Variants in GRIN2C observed in about 807,000 individuals in gnomAD.
GRIN2C encodes the protein glutamate ionotropic receptor NMDA type subunit 2C.
GRIN2C carries 64 observed loss-of-function variants against 77.7 expected under a neutral mutation model. The ratio of observed to expected loss-of-function variants is 0.82; its 90% confidence interval spans 0.67 to 1.01. GRIN2C has a LOEUF of 1.01. Among genes scored for constraint, GRIN2C ranks in the 50% least tolerant of loss-of-function variants. The pLI, the probability that GRIN2C is intolerant of heterozygous loss-of-function variation, is 0.00. For missense variants in GRIN2C, 1,549 were observed against 1,486.0 expected, an observed-to-expected ratio of 1.04 and a Z score of -0.70; for synonymous variants, 792 against 643.4, an observed-to-expected ratio of 1.23 and a Z score of -3.49.
chr17:74,847,731 G>A lies in GRIN2C; in HGVS notation c.1771+121C>T, dbSNP rs1172283670. ...GTGTGTGTCATCTGACTGGCCCCCAGCATGTGCCATCCAAAAGCAAGGGAC... is the reference window on the plus strand; with the variant it reads ...GTGTGTGTCATCTGACTGGCCCCCAACATGTGCCATCCAAAAGCAAGGGAC... On this transcript the variant is annotated intron_variant, in intron 8 of 12. Transcript: ENST00000293190. The surrounding 1 kb of genome is among the most constrained non-coding windows in gnomAD (Gnocchi z 5.2). 1 of 1,008,972 alleles carries A rather than the reference G, an allele frequency of 9.9e-7. No individual in the cohort carries two copies. The highest frequency in any genetic ancestry group is 1.6e-5 in the African/African-American group (1 of 62,890). 62.5% of individuals were successfully genotyped at this position (1,008,972 alleles called of 1,614,324 possible).
At chr17:74,858,865 A>C (rs933262716) in intron 1 of GRIN2C, among the ~76,000 whole-genome samples, 1 of 151,802 alleles carries the variant, frequency 6.6e-6, no homozygotes, top group African/African-American at 2.4e-5. Flanking sequence ...AGCATCCCCC[A>C]GGCTGGAATG....
chr17:74,852,688 C>A, intron 2 of GRIN2C, 77 bp from the exon 3 acceptor site: 2 of 663,214 alleles, frequency 3.0e-6, no homozygotes, highest in South Asian at 2.9e-5. Context: ...TCGGCCCCTC[C>A]ATCAGCTCCC....
In GRIN2C at chr17:74,849,629, T is replaced by C. The variant is rs2037568678; in HGVS notation, c.1645+151A>G. 14 of 693,904 alleles carry C rather than the reference T, an allele frequency of 2.0e-5. No individual in the cohort carries two copies. The highest frequency in any genetic ancestry group is 2.9e-5 in the Non-Finnish European group (12 of 412,416). 43.0% of individuals were successfully genotyped at this position (693,904 alleles called of 1,614,324 possible). On this transcript the variant is annotated intron_variant, in intron 7 of 12. Transcript: ENST00000293190. This position sits in a 1 kb window ranked among gnomAD's most constrained non-coding sequence, Gnocchi z 4.6. ...CTGACTTCACTTCTCCTGTCTCCTT[T>C]CCACTCACCTCCAGCCAACCTCCAA...
chr17:74,854,746 T>C lies in GRIN2C; in HGVS notation c.347A>G (p.His116Arg). ...QILDFISSQT[H>R]VPILSISGGS... ...TCCGCTGATGCTGAGGATGGGCACATGGGTCTGGGAGGAGATGAAGTCAAG... is the reference window on the plus strand; with the variant it reads ...TCCGCTGATGCTGAGGATGGGCACACGGGTCTGGGAGGAGATGAAGTCAAG... The change falls in exon 2 of 13, where the codon CAT (histidine) becomes CGT (arginine). Residue 116 changes from histidine (H) to arginine (R), a missense_variant. Physicochemically the swap from His to Arg is conservative, Grantham distance 29. Transcript: ENST00000293190. The C allele has an allele frequency of 2.5e-6, 4 of 1,612,498 alleles. No individual in the cohort carries two copies. The highest frequency in any genetic ancestry group is 3.4e-6 in the Non-Finnish European group (4 of 1,178,772).
chr17:74,847,835 G>T lies in GRIN2C; in HGVS notation c.1771+17C>A. ...TGCCCAGGCCCACCCCTCCTGCCGG[G>T]CCCAGGCAAGGCTTACTCTTGCCTC... On this transcript the variant is annotated intron_variant, in intron 8 of 12. Coordinates refer to ENST00000293190, the MANE Select transcript of GRIN2C (RefSeq NM_000835.6). The surrounding 1 kb of genome is among the most constrained non-coding windows in gnomAD (Gnocchi z 5.2). 5.6e-6 allele frequency: 9 copies of T among 1,613,718 alleles called. No homozygotes were observed. The highest frequency in any genetic ancestry group is 7.6e-6 in the Non-Finnish European group (9 of 1,179,826).
At chr17:74,854,156 C>T (rs1354910730) in intron 2 of GRIN2C, 1 of 152,870 alleles carries the variant, frequency 6.5e-6, no homozygotes, top group African/African-American at 2.4e-5. Flanking sequence ...ATGCATGAGC[C>T]ATGAGTGAGC....
chr17:74,852,860 G>A (rs1447265088), intron 2 of GRIN2C: 1 of 398,526 alleles, frequency 2.5e-6, no homozygotes, highest in African/African-American at 2.1e-5. Context: ...CCACTGGGGA[G>A]TTTGTCAGAA....
intron 3 of GRIN2C, 97 bp downstream of exon 3, chr17:74,851,916 A>T: frequency 2.2e-6 from 2 of 898,494 alleles, no homozygotes; most frequent in Non-Finnish European, 3.3e-6. Context: ...GCACGCAGCT[A>T]GTGGGAGGTG....
rs2037686975 is a variant in GRIN2C at position 74,852,453 on chromosome 17, G to A, written c.558C>T (p.Ala186=). 5 of 1,547,194 alleles carry A rather than the reference G, an allele frequency of 3.2e-6. No homozygotes were observed. Among genetic ancestry groups the A allele is most frequent in the Non-Finnish European group, 4.3e-6 (5 of 1,157,040 alleles). Reference sequence around the variant, plus strand: ...GCCGCCAACTCACGTGGCTGGCGTCGGCGACGGCGCGCACGCCCTCCAGGA... The same window carrying A: ...GCCGCCAACTCACGTGGCTGGCGTCAGCGACGGCGCGCACGCCCTCCAGGA... ...ALFLEGVRAV[A]DASHVSWRLL... The change falls in exon 3 of 13, where the codon GCC becomes GCT. Residue 186 remains alanine (A), a synonymous_variant. Transcript: ENST00000293190.
intron 3 of GRIN2C, 39 bp downstream of exon 3, chr17:74,851,974 C>T: frequency 6.9e-7 from 1 of 1,439,202 alleles, no homozygotes; most frequent in Non-Finnish European, 9.2e-7. Flanking sequence ...CCGAAGCGCT[C>T]CCCACCTCCC....
upstream of GRIN2C, chr17:74,860,966 A>C: frequency 1.2e-5 from 2 of 166,234 alleles, no homozygotes; most frequent in South Asian, 1.3e-4. Flanking sequence ...CTCCTTTCCA[A>C]CCCCTCGCTC....
chr17:74,854,960 G>C lies in GRIN2C; in HGVS notation c.133C>G (p.Gln45Glu), dbSNP rs1447433821. Residue 45 changes from glutamine (Q) to glutamate (E), a missense_variant, in exon 2 of 13, where the codon CAG (glutamine) becomes GAG (glutamate). Gln to Glu is a conservative substitution (Grantham distance 29). Coordinates refer to ENST00000293190, the MANE Select transcript of GRIN2C (RefSeq NM_000835.6). ...TGGGGGGTGAGGCGGGCACGGAACT[G>C]GGCCTGGGGCGGCCCTGAGCTGCTA... is the stretch of plus-strand genomic sequence containing the variant. ...VFSSSGPPQA[Q>E]FRARLTPQSF... The C allele has an allele frequency of 1.9e-6, 3 of 1,612,142 alleles. No individual in the cohort carries two copies. The highest frequency in any genetic ancestry group is 4.5e-5 in the East Asian group (2 of 44,884).
chr17:74,859,358 C>A lies in GRIN2C; in HGVS notation c.-16+386G>T, dbSNP rs766656687. 8.5e-5 allele frequency among the ~76,000 whole-genome samples: 13 copies of A among 152,186 alleles called. No homozygotes were observed. Among genetic ancestry groups the A allele is most frequent in the Non-Finnish European group, 1.8e-4 (12 of 68,034 alleles). On this transcript the variant is annotated intron_variant, in intron 1 of 12. Transcript: ENST00000293190. This position sits in a 1 kb window ranked among gnomAD's most constrained non-coding sequence, Gnocchi z 5.9. ...TCCTTCCCGGGTCCTCACAGCTCAG[C>A]CAGACCCCCTGGCACGGACCTGCAC...
At chr17:74,857,183 C>T (rs964560465) in intron 1 of GRIN2C, among the ~76,000 whole-genome samples, 5 of 152,196 alleles carry the variant, frequency 3.3e-5, no homozygotes, top group African/African-American at 9.7e-5. Context: ...TTCCCTCAAA[C>T]TCCCCAGCCT....
chr17:74,852,475 A>C lies in GRIN2C; in HGVS notation c.536T>G (p.Leu179Arg). 1 of 1,561,858 alleles carries C rather than the reference A, an allele frequency of 6.4e-7. No individual in the cohort carries two copies. The highest frequency in any genetic ancestry group is 8.6e-7 in the Non-Finnish European group (1 of 1,163,608). The change falls in exon 3 of 13, where the codon CTG (leucine) becomes CGG (arginine). Residue 179 changes from leucine to arginine, a missense_variant. Physicochemically the swap from Leu to Arg is moderately radical, Grantham distance 102. Coordinates refer to ENST00000293190, the MANE Select transcript of GRIN2C (RefSeq NM_000835.6). ...GTCGGCGACGGCGCGCACGCCCTCCAGGAAGAGCGCGTGGCCCGGGTGCAG... is the reference window on the plus strand; with the variant it reads ...GTCGGCGACGGCGCGCACGCCCTCCCGGAAGAGCGCGTGGCCCGGGTGCAG... ...TSLHPGHALFLEGVRAVADAS... is the reference protein window; with the variant it reads ...TSLHPGHALFREGVRAVADAS...
Position 74,850,176 on chromosome 17 carries a change from C to T in GRIN2C, c.1491+30G>A. On this transcript the variant is annotated intron_variant, in intron 6 of 12. Coordinates refer to ENST00000293190, the MANE Select transcript of GRIN2C (RefSeq NM_000835.6). The surrounding 1 kb of genome is among the most constrained non-coding windows in gnomAD (Gnocchi z 5.3). ...CTGGGCAGCAGGTGGGCAGGCAGGGCAGGTGAGGAGGGAGTGGGGTGGGGC... is the reference window on the plus strand; with the variant it reads ...CTGGGCAGCAGGTGGGCAGGCAGGGTAGGTGAGGAGGGAGTGGGGTGGGGC... The T allele has an allele frequency of 1.2e-6, 2 of 1,610,102 alleles. No individual in the cohort carries two copies. Among genetic ancestry groups the T allele is most frequent in the South Asian group, 1.1e-5 (1 of 90,976 alleles).
chr17:74,855,070 G>T lies in GRIN2C; in HGVS notation c.23C>A (p.Ala8Asp). 1 of 1,592,126 alleles carries T rather than the reference G, an allele frequency of 6.3e-7. No individual in the cohort carries two copies. The change falls in exon 2 of 13, where the codon GCC becomes GAC. Residue 8 changes from alanine to aspartate, a missense_variant. By Grantham distance (126) the Ala-to-Asp change is moderately radical. Around this residue, in one of 3 missense-constraint regions of GRIN2C, gnomAD observed 382 missense variants for 360.0 expected, o/e 1.06. Coordinates refer to ENST00000293190, the MANE Select transcript of GRIN2C (RefSeq NM_000835.6). ...ACCGAAGAGCGAGGTGAGCAACAGG[G>T]CCGGCCCCAGGGCCCCACCCATGTC... MGGALGP[A>D]LLLTSLFGAW...
chr17:74,849,768 C>T lies in GRIN2C; in HGVS notation c.1645+12G>A, dbSNP rs538649310. The T allele has an allele frequency of 1.2e-6, 2 of 1,610,136 alleles. No individual in the cohort carries two copies. The highest frequency in any genetic ancestry group is 2.2e-5 in the South Asian group (2 of 90,878). On this transcript the variant is annotated intron_variant, in intron 7 of 12. Coordinates refer to ENST00000293190, the MANE Select transcript of GRIN2C (RefSeq NM_000835.6). This position sits in a 1 kb window ranked among gnomAD's most constrained non-coding sequence, Gnocchi z 4.6. Reference sequence around the variant, plus strand: ...TGCCCCCGGAGCCGTCTCTGCCCACCCTGGGCCTCACCCAAGAAGGCCGAG... The same window carrying T: ...TGCCCCCGGAGCCGTCTCTGCCCACTCTGGGCCTCACCCAAGAAGGCCGAG...
chr17:74,856,896 A>G (rs2037835771), intron 1 of GRIN2C, among the ~76,000 whole-genome samples: 1 of 152,170 alleles, frequency 6.6e-6, no homozygotes, highest in South Asian at 2.1e-4. Flanking sequence ...GCTACCAGGA[A>G]CATTCAGGAA....
Sources: allele counts gnomAD v4.1 joint callset (sites outside exome capture counted in the v4.1 genomes callset), GRCh38; gene constraint gnomAD v4.1.1; regional missense constraint gnomAD v4.1.1; non-coding constraint Gnocchi (gnomAD v3.1); transcripts MANE v1.5; gene names NCBI Gene and HGNC (gene_info 2026-07-23, HGNC 2026-07-21).